The following EVL variants were observed in gnomAD, a reference collection of about 807,000 sequenced individuals.
The protein encoded by EVL is Enah/Vasp-like.
A neutral mutation model predicts 59.6 loss-of-function variants in EVL; 21 were observed. The observed-to-expected ratio is 0.35, with a 90% CI of 0.25 to 0.51. The LOEUF is 0.51. Among genes scored for constraint, EVL ranks in the 20% least tolerant of loss-of-function variants. The pLI is 0.97. For synonymous variants in EVL, 198 were observed against 203.5 expected (o/e 0.97, Z 0.23); for missense variants, 462 against 546.6 (o/e 0.85, Z 1.54).
intron 1 of EVL, among the ~76,000 whole-genome samples, chr14:100,008,029 T>C (rs529513277): frequency 6.6e-6 from 1 of 152,316 alleles, no homozygotes; most frequent in Admixed American, 6.5e-5. Context: ...CAGTCGCCAC[T>C]GCTAAAAGTA....
rs145140897 is a variant in EVL at position 100,017,027 on chromosome 14, A to G, written c.5+44970A>G. ...CCTGAGCTGGTTGGATCATTGGTGT[A>G]AGGACACCAGGAGAGCATGTTGGAG... On this transcript the variant is annotated intron_variant, in intron 1 of 13. Transcript: ENST00000402714. 2.0e-3 allele frequency among the ~76,000 whole-genome samples: 307 copies of G among 152,338 alleles called. 1 individual carries two copies. The highest frequency in any genetic ancestry group is 7.0e-3 in the African/African-American group (293 of 41,584).
At chr14:99,986,889 A>G (rs55939396) in intron 1 of EVL, among the ~76,000 whole-genome samples, 4 of 152,328 alleles carry the variant, frequency 2.6e-5, no homozygotes, top group African/African-American at 9.6e-5. Flanking sequence ...CTCACACCAT[A>G]TACAAAATTC....
intron 1 of EVL, among the ~76,000 whole-genome samples, chr14:100,024,415 T>C (rs2061177129): frequency 6.6e-6 from 1 of 152,172 alleles, no homozygotes. Flanking sequence ...AGATGTTTAG[T>C]ACATTGATCT....
chr14:100,065,540 GA>G, intron 1 of EVL, 29 bp downstream of exon 1: 1 of 1,394,250 alleles, frequency 7.2e-7, no homozygotes, highest in Non-Finnish European at 9.8e-7. Flanking sequence ...GCAGGGGACA[GA>G]GGGATGTCAA....
At chr14:100,102,227 G>A (rs1470736632) in intron 3 of EVL, 1 of 455,690 alleles carries the variant, frequency 2.2e-6, no homozygotes, top group Non-Finnish European at 4.4e-6. Context: ...CAGTACCTTT[G>A]ACAAGTGCAG....
chr14:99,988,318 TAG>T (rs2060852742), intron 1 of EVL, among the ~76,000 whole-genome samples: 1 of 152,136 alleles, frequency 6.6e-6, no homozygotes, highest in Non-Finnish European at 1.5e-5. Context: ...TTAGCATCAT[TAG>T]ACAAGAGGAA....
At chr14:100,085,609 A>G (rs941232855) in intron 2 of EVL, among the ~76,000 whole-genome samples, 3 of 152,248 alleles carry the variant, frequency 2.0e-5, no homozygotes, top group Admixed American at 2.0e-4. Context: ...TATAAACAGC[A>G]TCTTGTGGCA....
intron 1 of EVL, among the ~76,000 whole-genome samples, chr14:100,068,958 T>C (rs1404252299): frequency 1.3e-5 from 2 of 152,206 alleles, no homozygotes; most frequent in Non-Finnish European, 2.9e-5. Flanking sequence ...CTGGTCTCTC[T>C]GTTGTCTTTG....
intron 1 of EVL, among the ~76,000 whole-genome samples, chr14:100,044,373 A>T (rs1340274760): frequency 6.6e-6 from 1 of 152,224 alleles, no homozygotes; most frequent in Non-Finnish European, 1.5e-5. Context: ...AGTATTTCTT[A>T]TACAGAGATT....
At chr14:100,094,353 C>T (rs543413163) in intron 2 of EVL, among the ~76,000 whole-genome samples, 2 of 152,186 alleles carry the variant, frequency 1.3e-5, no homozygotes, top group African/African-American at 2.4e-5. Context: ...TTCTCATTTC[C>T]CCCCCAAGAG....
intron 7 of EVL, 147 bp downstream of exon 7, chr14:100,129,831 C>A: frequency 7.9e-7 from 1 of 1,269,800 alleles, no homozygotes; most frequent in Non-Finnish European, 1.1e-6. Context: ...CTTAAGTTTT[C>A]CCTTCCCAAG....
intron 1 of EVL, among the ~76,000 whole-genome samples, chr14:100,018,584 G>T (rs1033302334): frequency 6.6e-6 from 1 of 152,198 alleles, no homozygotes; most frequent in Non-Finnish European, 1.5e-5. Flanking sequence ...CAGAGGCTGA[G>T]TGAGGGGCGC....
chr14:100,080,046 T>G (rs964041024), intron 1 of EVL, among the ~76,000 whole-genome samples: 5 of 151,958 alleles, frequency 3.3e-5, no homozygotes, highest in African/African-American at 1.2e-4. Context: ...ATGCAGAAAA[T>G]TTGGGATGTG....
rs575181678 is a variant in EVL, at chr14:100,110,147, G to A, written c.358+12489G>A. Among the ~76,000 whole-genome samples the A allele has an allele frequency of 5.9e-5, 9 of 152,288 alleles. No individual in the cohort carries two copies. The East Asian group carries it at 1.7e-3, about 29-fold the overall frequency. On this transcript the variant is annotated intron_variant, in intron 3 of 13. Transcript: ENST00000392920. The stretch of plus-strand genomic sequence containing the variant: ...TAATCCCAGCACTTTAGGAGGTCAG[G>A]GGATCACTTCAGTGTGAGAGTTCGA...
At chr14:100,078,762 G>C (rs1363382258) in intron 1 of EVL, among the ~76,000 whole-genome samples, 1 of 152,108 alleles carries the variant, frequency 6.6e-6, no homozygotes, top group Non-Finnish European at 1.5e-5. Flanking sequence ...ACTCACCCTG[G>C]TTTGCCCGGG....
intron 1 of EVL, among the ~76,000 whole-genome samples, chr14:100,014,209 C>T (rs2061035705): frequency 1.3e-5 from 2 of 152,186 alleles, no homozygotes; most frequent in Admixed American, 1.3e-4. Context: ...ATCCCCAACC[C>T]TTCCCAGCCT....
chr14:100,016,364 A>C (rs1380229829), intron 1 of EVL, among the ~76,000 whole-genome samples: 1 of 152,176 alleles, frequency 6.6e-6, no homozygotes, highest in Non-Finnish European at 1.5e-5. Flanking sequence ...CCCCGTCTCT[A>C]CTAAAAATAC....
In EVL at chr14:100,130,506, A is replaced by G. The variant is rs1466737616; in HGVS notation, c.839+822A>G. Among the ~76,000 whole-genome samples, 1 of 152,150 alleles carries G rather than the reference A, an allele frequency of 6.6e-6. No individual in the cohort carries two copies. Among genetic ancestry groups the G allele is most frequent in the African/African-American group, 2.4e-5 (1 of 41,440 alleles). ...GCAGCGGGGGCCCTGCTCCCTTGGT[A>G]ACCCCACCTCCACCCCCTGCCACTT... is the stretch of plus-strand genomic sequence containing the variant. On this transcript the variant is annotated intron_variant, in intron 7 of 13. Transcript: ENST00000392920. This position sits in a 1 kb window ranked among gnomAD's most constrained non-coding sequence, Gnocchi z 4.8.
chr14:100,003,524 A>G lies in EVL; in HGVS notation c.5+31467A>G, dbSNP rs575822284. Among the ~76,000 whole-genome samples the G allele has an allele frequency of 5.3e-5, 8 of 152,140 alleles. No individual in the cohort carries two copies. In the South Asian group the frequency reaches 1.7e-3, roughly 32 times the overall value. The stretch of plus-strand genomic sequence containing the variant: ...CTCTGCTTCCTGGGTTCAAGCAATT[A>G]TCCTGCCTCAGCCTCCCAAGTAGCT... On this transcript the variant is annotated intron_variant, in intron 1 of 13. Coordinates refer to the EVL transcript ENST00000402714.
Sources: gnomAD v4.1 joint callset for allele counts (sites outside exome capture counted in the v4.1 genomes callset) on GRCh38, gnomAD v4.1.1 for gene constraint, Gnocchi (gnomAD v3.1) non-coding constraint, MANE v1.5 for transcripts, NCBI Gene and HGNC (gene_info 2026-07-23, HGNC 2026-07-21) for gene names.